CNBD2: variants seen among roughly 807,000 people sequenced by gnomAD.
CNBD2 encodes the protein cyclic nucleotide binding domain containing 2.
In CNBD2, 64 loss-of-function variants were observed where a neutral mutation model predicts 63.7. That is an observed-to-expected ratio of 1.00 (90% CI 0.82 to 1.24). CNBD2 has a LOEUF of 1.24. Among genes scored for constraint, CNBD2 ranks in the 50% most tolerant of loss-of-function variants. CNBD2 has a pLI of 0.00. For missense variants in CNBD2, 691 were observed against 713.5 expected, an observed-to-expected ratio of 0.97 and a Z score of 0.36; for synonymous variants, 229 against 255.4, an observed-to-expected ratio of 0.90 and a Z score of 0.99.
intron 3 of CNBD2, among the ~76,000 whole-genome samples, chr20:35,978,287 C>T (rs542072998): frequency 6.6e-6 from 1 of 152,006 alleles, no homozygotes. Context: ...AGCGGTCCTC[C>T]CATTTTAGTG....
chr20:35,968,500 A>G (rs148456258), upstream of CNBD2: 115 of 374,474 alleles, frequency 3.1e-4, no homozygotes, highest in African/African-American at 2.2e-3. Flanking sequence ...GTATCCCATA[A>G]ATGTTAGACT....
In CNBD2 at chr20:36,030,376, A is replaced by C; in HGVS notation, c.1459A>C (p.Lys487Gln). The C allele has an allele frequency of 1.2e-6, 2 of 1,614,072 alleles. No homozygotes were observed. Among genetic ancestry groups the C allele is most frequent in the Non-Finnish European group, 1.7e-6 (2 of 1,180,018 alleles). ...CTTTAGTGATGAAGATATGTGCCAG[A>C]AGTTCCTCCAGCAGAACAGCTGGAA... ...AFPSDEDMCQ[K>Q]FLQQNSWNIF... Residue 487 changes from lysine (K) to glutamine (Q), a missense_variant, in exon 12 of 12, where the codon AAG becomes CAG. Physicochemically the swap from Lys to Gln is moderately conservative, Grantham distance 53 (BLOSUM62 1). Coordinates refer to ENST00000373973, the MANE Select transcript of CNBD2 (RefSeq NM_001365709.1).
downstream of CNBD2, among the ~76,000 whole-genome samples, chr20:35,959,731 T>C (rs1381990061): frequency 6.6e-6 from 1 of 152,158 alleles, no homozygotes; most frequent in Non-Finnish European, 1.5e-5. Flanking sequence ...GATACTTTAT[T>C]TACAGATGAG....
chr20:35,962,828 G>A (rs1256349924), intron 2 of CNBD2, among the ~76,000 whole-genome samples: 1 of 152,116 alleles, frequency 6.6e-6, no homozygotes, highest in Non-Finnish European at 1.5e-5. Context: ...TGAATCTGTA[G>A]CTTTCTTTTT....
intron 11 of CNBD2, among the ~76,000 whole-genome samples, chr20:36,024,587 C>A (rs919773411): frequency 2.7e-5 from 4 of 150,828 alleles, no homozygotes; most frequent in African/African-American, 9.8e-5. Flanking sequence ...CAAAATTACA[C>A]CATTGCACTC....
At chr20:36,012,477 CAA>C (rs11471733) in intron 10 of CNBD2, among the ~76,000 whole-genome samples, 1 of 139,970 alleles carries the variant, frequency 7.1e-6, no homozygotes, top group Admixed American at 7.2e-5. Context: ...AACTCCATCT[CAA>C]AAAAAAAAAA....
intron 3 of CNBD2, 147 bp from the exon 4 acceptor site, chr20:35,980,312 G>A (rs1000040268): frequency 1.5e-6 from 1 of 681,164 alleles, no homozygotes; most frequent in South Asian, 1.8e-5. Context: ...GTTTATCCCA[G>A]TGCCTGACAC....
chr20:35,970,136 A>C (rs1382023646), intron 1 of CNBD2, among the ~76,000 whole-genome samples: 1 of 152,236 alleles, frequency 6.6e-6, no homozygotes, highest in Non-Finnish European at 1.5e-5. Context: ...CAAACAATGT[A>C]AATATAAATA....
At chr20:35,997,918 A>G (rs989986521) in intron 8 of CNBD2, among the ~76,000 whole-genome samples, 1 of 152,098 alleles carries the variant, frequency 6.6e-6, no homozygotes, top group Non-Finnish European at 1.5e-5. Context: ...AGTTCAAAAT[A>G]CCTTTAAATT....
At chr20:36,027,350 C>T (rs1011830980) in intron 11 of CNBD2, among the ~76,000 whole-genome samples, 1 of 152,162 alleles carries the variant, frequency 6.6e-6, no homozygotes, top group African/African-American at 2.4e-5. Context: ...AAGGCTCTGA[C>T]GTGAGATCTT....
At chr20:36,012,887 T>TGAG (rs2057081866) in intron 10 of CNBD2, among the ~76,000 whole-genome samples, 1 of 150,984 alleles carries the variant, frequency 6.6e-6, no homozygotes. Flanking sequence ...AAATATTGCA[T>TGAG]GATTCCAATT....
intron 6 of CNBD2, among the ~76,000 whole-genome samples, chr20:35,985,574 C>A (rs1013625707): frequency 6.6e-6 from 1 of 151,716 alleles, no homozygotes; most frequent in Admixed American, 6.6e-5. Flanking sequence ...CAACCTCCGC[C>A]TCCTGGGTTC....
At chr20:35,993,872 T>TC in intron 7 of CNBD2, among the ~76,000 whole-genome samples, 1 of 146,282 alleles carries the variant, frequency 6.8e-6, no homozygotes, top group Non-Finnish European at 1.5e-5. Flanking sequence ...CTAATCTTTT[T>TC]TTTTTTTTTT....
intron 8 of CNBD2, among the ~76,000 whole-genome samples, chr20:36,000,691 T>G (rs996512992): frequency 6.6e-6 from 1 of 151,316 alleles, no homozygotes; most frequent in Non-Finnish European, 1.5e-5. Context: ...CACGAGTAGC[T>G]GGGATTATAG....
downstream of CNBD2, among the ~76,000 whole-genome samples, chr20:35,958,423 C>T (rs954506608): frequency 1.3e-5 from 2 of 152,078 alleles, no homozygotes; most frequent in Non-Finnish European, 2.9e-5. Flanking sequence ...CAGTGTGAGA[C>T]TTCATCTCAA....
rs186822524 is a variant in CNBD2, at chr20:35,985,688, A to G, written c.716+910A>G. Reference sequence around the variant, plus strand: ...TTTTTAGTAGAGATGGGGTTTCACTATGTTGGCCAGGGTGGTGTTGAACTC... The same window carrying G: ...TTTTTAGTAGAGATGGGGTTTCACTGTGTTGGCCAGGGTGGTGTTGAACTC... On this transcript the variant is annotated intron_variant, in intron 6 of 11. Coordinates refer to ENST00000373973, the MANE Select transcript of CNBD2 (RefSeq NM_001365709.1). Among the ~76,000 whole-genome samples, 18 of 152,098 alleles carry G rather than the reference A, an allele frequency of 1.2e-4. No homozygotes were observed. In the East Asian group the frequency reaches 3.3e-3, roughly 28 times the overall value.
chr20:35,968,766 A>T lies in CNBD2; in HGVS notation c.4A>T (p.Arg2Trp), dbSNP rs889587036. M[R>W]RHMVTYAWQL... is the part of the protein sequence containing the mutation. Reference sequence around the variant, plus strand: ...GCCATTTGCCTGCACAGGAACCATGAGGAGACATATGGTAACTTATGCCTG... The same window carrying T: ...GCCATTTGCCTGCACAGGAACCATGTGGAGACATATGGTAACTTATGCCTG... Residue 2 changes from arginine (R) to tryptophan (W), a missense_variant, in exon 1 of 12, where the codon AGG (arginine) becomes TGG (tryptophan). Arg to Trp is a moderately radical substitution (Grantham distance 101, BLOSUM62 -3). Transcript: ENST00000373973. 5 of 1,608,266 alleles carry T rather than the reference A, an allele frequency of 3.1e-6. No homozygotes were observed. The highest frequency in any genetic ancestry group is 2.7e-5 in the African/African-American group (2 of 74,908).
At chr20:35,959,122 G>C (rs1568837076), downstream of CNBD2, 1 of 152,140 alleles carries the variant, frequency 6.6e-6, no homozygotes, top group Non-Finnish European at 1.5e-5. Context: ...ATCTTTCTGA[G>C]CCTGGAAATA....
downstream of CNBD2, chr20:35,959,574 C>T (rs2056290111): frequency 6.6e-6 from 1 of 152,148 alleles, no homozygotes; most frequent in Non-Finnish European, 1.5e-5. Context: ...ACCATGAGAA[C>T]AGTATGGGGG....
Sources: gnomAD v4.1 joint callset for allele counts (sites outside exome capture counted in the v4.1 genomes callset) on GRCh38, gnomAD v4.1.1 for gene constraint, MANE v1.5 for transcripts, NCBI Gene and HGNC (gene_info 2026-07-23, HGNC 2026-07-21) for gene names.